Variants in SORCS3 observed in about 807,000 individuals in gnomAD.
SORCS3 encodes VPS10 domain-containing receptor SorCS3.
Under a neutral mutation model 146.3 loss-of-function variants are expected in SORCS3, and 57 were observed. That is an observed-to-expected ratio of 0.39 (90% CI 0.31 to 0.49). The LOEUF (loss-of-function observed/expected upper bound fraction) is 0.49. Ranked by LOEUF, SORCS3 falls within the 20% of genes least tolerant of loss-of-function variation. The probability of loss-of-function intolerance (pLI) is 0.92; values close to 1 mark genes in which losing one functional copy is unlikely to be tolerated. For missense variants in SORCS3, 1,341 were observed against 1,575.5 expected, an observed-to-expected ratio of 0.85 and a Z score of 2.52; for synonymous variants, 653 against 618.5, an observed-to-expected ratio of 1.06 and a Z score of -0.83.
chr10:104,885,881 GGA>G (rs563999118), intron 2 of SORCS3, among the ~76,000 whole-genome samples: 154 of 152,254 alleles, frequency 1.0e-3, no homozygotes, highest in African/African-American at 3.6e-3. Flanking sequence ...TATTTTGAGG[GGA>G]GAGCAAGAAA....
At chr10:105,096,178 C>T (rs889717436) in intron 6 of SORCS3, among the ~76,000 whole-genome samples, 1 of 151,906 alleles carries the variant, frequency 6.6e-6, no homozygotes, top group African/African-American at 2.4e-5. Context: ...ACCTGGGCCC[C>T]ACCACAAATC....
At chr10:104,970,290 G>C (rs1429051654) in intron 3 of SORCS3, among the ~76,000 whole-genome samples, 2 of 152,104 alleles carry the variant, frequency 1.3e-5, no homozygotes, top group East Asian at 3.9e-4. Context: ...GGGATTACAG[G>C]TGTGTACCTC....
At chr10:104,935,442 AG>A (rs2019250604) in intron 3 of SORCS3, among the ~76,000 whole-genome samples, 3 of 152,220 alleles carry the variant, frequency 2.0e-5, no homozygotes, top group Admixed American at 6.5e-5. Flanking sequence ...AAATACATCT[AG>A]GGTGGGGTCC....
chr10:105,231,250 T>C (rs2056763871), intron 20 of SORCS3, among the ~76,000 whole-genome samples: 1 of 152,264 alleles, frequency 6.6e-6, no homozygotes, highest in South Asian at 2.1e-4. Context: ...AAGACCAGTA[T>C]GAGCTGCCTT....
intron 1 of SORCS3, among the ~76,000 whole-genome samples, chr10:104,724,341 A>T (rs1325189142): frequency 6.6e-6 from 1 of 152,180 alleles, no homozygotes; most frequent in East Asian, 1.9e-4. Context: ...CTGCCGAGAG[A>T]TCAGCTGTTA....
chr10:104,899,292 C>T (rs2018828438), intron 2 of SORCS3, among the ~76,000 whole-genome samples: 1 of 152,188 alleles, frequency 6.6e-6, no homozygotes, highest in Admixed American at 6.5e-5. Flanking sequence ...CAGACTCACA[C>T]ACATCCTTTC....
At chr10:104,673,690 A>T (rs2015882899) in intron 1 of SORCS3, among the ~76,000 whole-genome samples, 2 of 152,130 alleles carry the variant, frequency 1.3e-5, no homozygotes, top group Admixed American at 1.3e-4. Context: ...GGGCTCAAGC[A>T]GTCCTCCTGC....
intron 5 of SORCS3, among the ~76,000 whole-genome samples, chr10:105,052,422 G>A (rs562392982): frequency 1.2e-4 from 19 of 152,276 alleles, no homozygotes; most frequent in Admixed American, 9.8e-4. Context: ...CAAAGGGCAT[G>A]AGAAATACTC....
intron 3 of SORCS3, among the ~76,000 whole-genome samples, chr10:104,917,713 T>C (rs906821328): frequency 6.6e-6 from 1 of 152,228 alleles, no homozygotes; most frequent in South Asian, 2.1e-4. Context: ...TCTTTTAGAT[T>C]CCACATATGC....
intron 1 of SORCS3, among the ~76,000 whole-genome samples, chr10:104,825,747 G>A (rs373990334): frequency 4.2e-4 from 64 of 152,200 alleles, no homozygotes; most frequent in African/African-American, 1.4e-3. Flanking sequence ...CTGTTGCTGC[G>A]CTGCATGCTA....
At chr10:105,061,099 T>C (rs1353788020) in intron 5 of SORCS3, among the ~76,000 whole-genome samples, 2 of 152,196 alleles carry the variant, frequency 1.3e-5, no homozygotes, top group East Asian at 3.9e-4. Flanking sequence ...GCCACCAATT[T>C]ATAGACTTTA....
intron 14 of SORCS3, among the ~76,000 whole-genome samples, chr10:105,198,076 T>C (rs966957524): frequency 1.3e-5 from 2 of 152,162 alleles, no homozygotes; most frequent in Non-Finnish European, 2.9e-5. Context: ...TTTGTCAAGA[T>C]TCCTATGACA....
intron 1 of SORCS3, among the ~76,000 whole-genome samples, chr10:104,721,532 A>C (rs1214456895): frequency 2.0e-5 from 3 of 151,512 alleles, no homozygotes; most frequent in Non-Finnish European, 4.4e-5. Flanking sequence ...TGGTAGCTTG[A>C]TGGGGATGGC....
At chr10:104,898,442 A>C (rs2018820322) in intron 2 of SORCS3, among the ~76,000 whole-genome samples, 1 of 152,172 alleles carries the variant, frequency 6.6e-6, no homozygotes, top group Non-Finnish European at 1.5e-5. Flanking sequence ...GTTAGCTTAA[A>C]GTTTCCTTGG....
At chr10:104,720,540 G>A (rs894075341) in intron 1 of SORCS3, among the ~76,000 whole-genome samples, 1 of 152,202 alleles carries the variant, frequency 6.6e-6, no homozygotes, top group Non-Finnish European at 1.5e-5. Flanking sequence ...AGATCCCTGA[G>A]GAATTGCCTC....
At chr10:104,740,218 A>G (rs993550789) in intron 1 of SORCS3, among the ~76,000 whole-genome samples, 1 of 152,222 alleles carries the variant, frequency 6.6e-6, no homozygotes, top group Non-Finnish European at 1.5e-5. Context: ...CCTTCAAAAA[A>G]TCTGCCTGTA....
At chr10:104,758,687 A>G (rs562910212) in intron 1 of SORCS3, among the ~76,000 whole-genome samples, 2 of 152,268 alleles carry the variant, frequency 1.3e-5, no homozygotes, top group Admixed American at 1.3e-4. Context: ...CATTGAGGTT[A>G]TTAGGTGATC....
At chr10:105,235,378 A>G (rs1285378970) in intron 20 of SORCS3, among the ~76,000 whole-genome samples, 1 of 151,936 alleles carries the variant, frequency 6.6e-6, no homozygotes, top group East Asian at 1.9e-4. Context: ...TACTGGTGAT[A>G]AAATTCACAA....
At chr10:104,886,840 C>T (rs957011833) in intron 2 of SORCS3, among the ~76,000 whole-genome samples, 2 of 152,110 alleles carry the variant, frequency 1.3e-5, no homozygotes, top group African/African-American at 2.4e-5. Context: ...GGTTTTCTTT[C>T]CACAATTTAC....
Sources: allele counts gnomAD v4.1 joint callset (sites outside exome capture counted in the v4.1 genomes callset), GRCh38; gene constraint gnomAD v4.1.1; transcripts MANE v1.5; gene names NCBI Gene and HGNC (gene_info 2026-07-23, HGNC 2026-07-21).